NKAIN2: variants seen among roughly 807,000 people sequenced by gnomAD.
The protein encoded by NKAIN2 is sodium/potassium-transporting ATPase subunit beta-1-interacting protein 2.
Under a neutral mutation model 32.6 loss-of-function variants are expected in NKAIN2, and 14 were observed. That is an observed-to-expected ratio of 0.43 (90% CI 0.28 to 0.67). The LOEUF (loss-of-function observed/expected upper bound fraction) is 0.67, where lower values mean the gene tolerates loss of function less well. Ranked by LOEUF, NKAIN2 falls within the 30% of genes least tolerant of loss-of-function variation. NKAIN2 has a pLI of 0.17. For synonymous variants in NKAIN2, 80 were observed against 87.2 expected (o/e 0.92, Z 0.46); for missense variants, 198 against 258.3 (o/e 0.77, Z 1.60).
At chr6:124,624,875 A>G (rs1335331904) in intron 3 of NKAIN2, among the ~76,000 whole-genome samples, 1 of 152,210 alleles carries the variant, frequency 6.6e-6, no homozygotes, top group Non-Finnish European at 1.5e-5. Flanking sequence ...TAAAAAATAA[A>G]ATGCATCATT....
chr6:124,254,810 A>C (rs972248567), intron 1 of NKAIN2, among the ~76,000 whole-genome samples: 4 of 152,218 alleles, frequency 2.6e-5, no homozygotes, highest in Non-Finnish European at 5.9e-5. Context: ...AACAGCAACA[A>C]AAAAGCATTA....
chr6:124,494,614 G>A (rs1037448987), intron 3 of NKAIN2, among the ~76,000 whole-genome samples: 1 of 152,062 alleles, frequency 6.6e-6, no homozygotes, highest in Non-Finnish European at 1.5e-5. Context: ...TGATAACAAA[G>A]TGAATTGTGA....
At chr6:124,034,182 G>A (rs899807429) in intron 1 of NKAIN2, among the ~76,000 whole-genome samples, 3 of 152,000 alleles carry the variant, frequency 2.0e-5, no homozygotes, top group African/African-American at 7.2e-5. Context: ...TGTTACAAGG[G>A]TGCACCATGT....
At chr6:124,430,301 A>C (rs1041566816) in intron 3 of NKAIN2, among the ~76,000 whole-genome samples, 1 of 152,222 alleles carries the variant, frequency 6.6e-6, no homozygotes, top group Admixed American at 6.5e-5. Flanking sequence ...CACTTTGTGC[A>C]TATGAGCACA....
chr6:123,864,345 C>T (rs1317450764), intron 1 of NKAIN2, among the ~76,000 whole-genome samples: 1 of 152,126 alleles, frequency 6.6e-6, no homozygotes, highest in African/African-American at 2.4e-5. Context: ...ATCATCTTTC[C>T]ATCTTTGGAC....
intron 4 of NKAIN2, among the ~76,000 whole-genome samples, chr6:124,767,989 A>T (rs1181185617): frequency 2.0e-5 from 3 of 152,180 alleles, no homozygotes; most frequent in Non-Finnish European, 4.4e-5. Flanking sequence ...ATCATGTGAC[A>T]ATGGCTTTAT....
intron 2 of NKAIN2, among the ~76,000 whole-genome samples, chr6:124,349,598 A>C (rs1798618250): frequency 6.6e-6 from 1 of 152,158 alleles, no homozygotes; most frequent in African/African-American, 2.4e-5. Flanking sequence ...AGTCACTTGC[A>C]TCCAGCTGGT....
chr6:124,515,472 A>C (rs1013980463), intron 3 of NKAIN2, among the ~76,000 whole-genome samples: 12 of 151,900 alleles, frequency 7.9e-5, no homozygotes, highest in Admixed American at 5.2e-4. Context: ...AGCAAGAGAG[A>C]GGTGAGAGGT....
intron 1 of NKAIN2, among the ~76,000 whole-genome samples, chr6:124,051,163 G>T (rs1421935029): frequency 6.6e-6 from 1 of 151,988 alleles, no homozygotes; most frequent in East Asian, 1.9e-4. Context: ...TTTAATGATA[G>T]TCATGGTGAA....
At chr6:124,602,759 A>G (rs1401632908) in intron 3 of NKAIN2, among the ~76,000 whole-genome samples, 1 of 151,918 alleles carries the variant, frequency 6.6e-6, no homozygotes, top group Non-Finnish European at 1.5e-5. Context: ...GTCAAACAGT[A>G]TACTTGTATG....
At chr6:123,840,584 A>G (rs1322822625) in intron 1 of NKAIN2, among the ~76,000 whole-genome samples, 1 of 152,122 alleles carries the variant, frequency 6.6e-6, no homozygotes, top group Non-Finnish European at 1.5e-5. Context: ...AGGTATTGCA[A>G]TTCTGAAAGG....
chr6:124,171,917 A>G (rs2114504579), intron 1 of NKAIN2, among the ~76,000 whole-genome samples: 1 of 143,732 alleles, frequency 7.0e-6, no homozygotes, highest in Admixed American at 7.2e-5. Context: ...CATGATCTCC[A>G]CTCACTTGCC....
At chr6:124,301,206 C>A (rs924104252) in intron 2 of NKAIN2, among the ~76,000 whole-genome samples, 1 of 152,182 alleles carries the variant, frequency 6.6e-6, no homozygotes, top group African/African-American at 2.4e-5. Flanking sequence ...CGGGCCATGG[C>A]TTCAGAGGGT....
chr6:124,673,164 G>T (rs775125782), intron 4 of NKAIN2, among the ~76,000 whole-genome samples: 16 of 151,946 alleles, frequency 1.1e-4, no homozygotes, highest in Non-Finnish European at 1.9e-4. Context: ...TGATGTGCTT[G>T]TCTCATTAAG....
chr6:124,296,947 C>T (rs143206610), intron 2 of NKAIN2, among the ~76,000 whole-genome samples: 1 of 152,186 alleles, frequency 6.6e-6, no homozygotes, highest in Non-Finnish European at 1.5e-5. Context: ...TGGACTAGAT[C>T]AGTCAAACCA....
chr6:124,707,230 C>T (rs1468715436), intron 4 of NKAIN2, among the ~76,000 whole-genome samples: 1 of 152,056 alleles, frequency 6.6e-6, no homozygotes, highest in Non-Finnish European at 1.5e-5. Flanking sequence ...TTTCTTAATC[C>T]AGTCTATCAT....
chr6:124,187,930 C>A (rs570854148), intron 1 of NKAIN2, among the ~76,000 whole-genome samples: 1 of 152,240 alleles, frequency 6.6e-6, no homozygotes, highest in East Asian at 1.9e-4. Flanking sequence ...AAGAATGATG[C>A]TGTTTGATCT....
chr6:124,786,886 TAAC>T (rs1445265231), intron 4 of NKAIN2, among the ~76,000 whole-genome samples: 1 of 152,166 alleles, frequency 6.6e-6, no homozygotes, highest in Non-Finnish European at 1.5e-5. Context: ...ATATCTACTC[TAAC>T]AACATGAGCC....
At chr6:124,061,541 G>A (rs545565710) in intron 1 of NKAIN2, among the ~76,000 whole-genome samples, 1 of 152,156 alleles carries the variant, frequency 6.6e-6, no homozygotes, top group South Asian at 2.1e-4. Flanking sequence ...CTTATGAAAA[G>A]GCAAGAAGTC....
Sources: allele counts gnomAD v4.1 joint callset (sites outside exome capture counted in the v4.1 genomes callset), GRCh38; gene constraint gnomAD v4.1.1; transcripts MANE v1.5; gene names NCBI Gene and HGNC (gene_info 2026-07-23, HGNC 2026-07-21).